OSBPL6: variants seen among roughly 807,000 people sequenced by gnomAD.
OSBPL6 encodes the protein oxysterol-binding protein-related protein 6.
Under a neutral mutation model 125.8 loss-of-function variants are expected in OSBPL6, and 49 were observed. That is an observed-to-expected ratio of 0.39 (90% CI 0.31 to 0.49). The LOEUF is 0.49. OSBPL6 is among the 20% of genes least tolerant of loss of function. The probability of loss-of-function intolerance (pLI) is 0.88; values close to 1 mark genes in which losing one functional copy is unlikely to be tolerated. For missense variants in OSBPL6, 986 were observed against 1,135.4 expected (o/e 0.87, Z 1.89); for synonymous variants, 394 against 391.8 (o/e 1.01, Z -0.07).
intron 15 of OSBPL6, among the ~76,000 whole-genome samples, chr2:178,376,095 G>A (rs186195797): frequency 6.6e-6 from 1 of 152,200 alleles, no homozygotes; most frequent in Admixed American, 6.5e-5. Flanking sequence ...TACCTGTCAG[G>A]CATTTGCATA....
At chr2:178,230,582 C>T (rs2090776072) in intron 1 of OSBPL6, 1 of 152,166 alleles carries the variant, frequency 6.6e-6, no homozygotes, top group South Asian at 2.1e-4. Context: ...CAGCCTCTGA[C>T]CAACTTCTTT....
intron 1 of OSBPL6, among the ~76,000 whole-genome samples, chr2:178,269,752 T>A (rs1473426660): frequency 6.6e-6 from 1 of 152,130 alleles, no homozygotes; most frequent in Non-Finnish European, 1.5e-5. Flanking sequence ...TGCCACATGC[T>A]CAGGGCCAGG....
intron 1 of OSBPL6, among the ~76,000 whole-genome samples, chr2:178,215,683 G>C (rs998639788): frequency 9.9e-5 from 15 of 152,092 alleles, no homozygotes; most frequent in African/African-American, 3.6e-4. Flanking sequence ...AGTAAGGGAA[G>C]GGAGGGAGAG....
chr2:178,284,032 C>G (rs62179162), intron 1 of OSBPL6, among the ~76,000 whole-genome samples: 19,507 of 152,130 alleles, frequency 0.13, 1,440 homozygotes, highest in Admixed American at 0.21. Flanking sequence ...ATATCCAAAC[C>G]ATAGCATACT....
chr2:178,361,799 G>T lies in OSBPL6; in HGVS notation c.1271G>T (p.Arg424Leu), dbSNP rs772409796. The change falls in exon 13 of 25, where the codon CGA (arginine) becomes CTA (leucine). Residue 424 changes from arginine (R) to leucine (L), a missense_variant. This residue lies in a region of OSBPL6 where 843 missense variants were observed against 997.3 expected (regional missense o/e 0.85). Coordinates refer to ENST00000190611, the MANE Select transcript of OSBPL6 (RefSeq NM_032523.4). ...CACAGCACGCAGATGGCACGGCTCCGACAGTCACTGTCTCAGGTAGGCAAA... is the reference window on the plus strand; with the variant it reads ...CACAGCACGCAGATGGCACGGCTCCTACAGTCACTGTCTCAGGTAGGCAAA... ...KGHSTQMARL[R>L]QSLSQALNQN... 3.7e-6 allele frequency: 6 copies of T among 1,613,914 alleles called. No homozygotes were observed. The highest frequency in any genetic ancestry group is 1.6e-4 in the Middle Eastern group (1 of 6,080).
At chr2:178,372,283 A>G in intron 14 of OSBPL6, 50 bp downstream of exon 14, 1 of 1,315,126 alleles carries the variant, frequency 7.6e-7, no homozygotes, top group Non-Finnish European at 1.1e-6. Context: ...TAGCATCTAA[A>G]TTTACTGCAT....
Position 178,395,455 on chromosome 2 carries a change from G to A in OSBPL6, c.2701G>A (p.Val901Ile). The A allele has an allele frequency of 6.2e-7, 1 of 1,612,074 alleles. No individual in the cohort carries two copies. Among genetic ancestry groups the A allele is most frequent in the Non-Finnish European group, 8.5e-7 (1 of 1,178,564 alleles). The change falls in exon 25 of 25, where the codon GTT becomes ATT. Residue 901 changes from valine (V) to isoleucine (I), a missense_variant. Coordinates refer to ENST00000190611, the MANE Select transcript of OSBPL6 (RefSeq NM_032523.4). ...TTGATGTTTATATTTTCACAGAAAA[G>A]TTATTGATGCCAATCAAAGAGAAGC... is the stretch of plus-strand genomic sequence containing the variant. Reference protein sequence around the residue: ...LEHIPKFFKKVIDANQREAWV... With the variant: ...LEHIPKFFKKIIDANQREAWV...
chr2:178,248,882 T>C (rs912244185), intron 1 of OSBPL6, among the ~76,000 whole-genome samples: 1 of 152,178 alleles, frequency 6.6e-6, no homozygotes, highest in African/African-American at 2.4e-5. Context: ...AATTTTCTGT[T>C]ATTATTTCTC....
At chr2:178,322,561 A>G (rs1348695808) in intron 3 of OSBPL6, among the ~76,000 whole-genome samples, 1 of 152,146 alleles carries the variant, frequency 6.6e-6, no homozygotes, top group Non-Finnish European at 1.5e-5. Context: ...TAATAATGAC[A>G]TGTTGATAAA....
intron 21 of OSBPL6, among the ~76,000 whole-genome samples, chr2:178,390,304 G>A (rs187840565): frequency 6.6e-6 from 1 of 152,336 alleles, no homozygotes; most frequent in African/African-American, 2.4e-5. Flanking sequence ...CTGGCCCACG[G>A]CCTTCCCTAC....
intron 1 of OSBPL6, among the ~76,000 whole-genome samples, chr2:178,210,345 A>T (rs2089788355): frequency 2.0e-5 from 3 of 151,926 alleles, no homozygotes; most frequent in South Asian, 4.2e-4. Context: ...AGTTAAAAAA[A>T]ATCCAACAAA....
At chr2:178,304,467 G>A (rs1686577074) in intron 2 of OSBPL6, among the ~76,000 whole-genome samples, 1 of 152,116 alleles carries the variant, frequency 6.6e-6, no homozygotes, top group Non-Finnish European at 1.5e-5. Flanking sequence ...GACAGGATGA[G>A]GGTAACCGCC....
chr2:178,326,593 T>A (rs893722402), intron 4 of OSBPL6, among the ~76,000 whole-genome samples: 3 of 152,206 alleles, frequency 2.0e-5, no homozygotes, highest in African/African-American at 7.2e-5. Flanking sequence ...TTTAACATAA[T>A]GGAAAATAGA....
At chr2:178,193,886 G>A (rs1230596771), upstream of OSBPL6, among the ~76,000 whole-genome samples, 1 of 152,170 alleles carries the variant, frequency 6.6e-6, no homozygotes, top group Non-Finnish European at 1.5e-5. Context: ...CTCTGGGCCC[G>A]GGAAGTTTTT....
intron 11 of OSBPL6, chr2:178,344,144 C>T (rs1471529452): frequency 1.5e-5 from 10 of 647,438 alleles, no homozygotes; most frequent in Middle Eastern, 2.5e-4. Flanking sequence ...CCCCTGTGAG[C>T]GCTTTTCGAT....
At chr2:178,395,047 G>A (rs1695729579) in intron 24 of OSBPL6, among the ~76,000 whole-genome samples, 1 of 152,112 alleles carries the variant, frequency 6.6e-6, no homozygotes, top group South Asian at 2.1e-4. Context: ...TCTAAAATGT[G>A]CTCCTTGGAC....
intron 2 of OSBPL6, among the ~76,000 whole-genome samples, chr2:178,287,906 T>C (rs967722091): frequency 2.6e-5 from 4 of 151,514 alleles, no homozygotes; most frequent in Admixed American, 1.3e-4. Flanking sequence ...AATGGGGAAA[T>C]GGGGGAAAAA....
intron 1 of OSBPL6, among the ~76,000 whole-genome samples, chr2:178,230,196 A>C (rs1032218604): frequency 6.6e-6 from 1 of 152,216 alleles, no homozygotes; most frequent in African/African-American, 2.4e-5. Flanking sequence ...CCCATTGAGT[A>C]GAGCTAAATG....
intron 8 of OSBPL6, among the ~76,000 whole-genome samples, chr2:178,336,066 A>G (rs3813252): frequency 0.026 from 3,943 of 152,302 alleles, 246 homozygotes; most frequent in East Asian, 0.23. Context: ...GAGATACAAC[A>G]CACTTAAATG....
Sources: gnomAD v4.1 joint callset for allele counts (sites outside exome capture counted in the v4.1 genomes callset) on GRCh38, gnomAD v4.1.1 for gene constraint, gnomAD v4.1.1 regional missense constraint, MANE v1.5 for transcripts, NCBI Gene and HGNC (gene_info 2026-07-23, HGNC 2026-07-21) for gene names.